TNNI3K: variants seen among roughly 807,000 people sequenced by gnomAD.
TNNI3K encodes the protein TNNI3 interacting kinase.
In TNNI3K, 140 loss-of-function variants were observed where a neutral mutation model predicts 114.5. The ratio of observed to expected loss-of-function variants is 1.22; its 90% CI spans 1.07 to 1.41. The LOEUF is 1.41. Among genes scored for constraint, TNNI3K ranks in the 40% most tolerant of loss-of-function variants. The probability of loss-of-function intolerance (pLI) is 0.00; values close to 1 mark genes in which losing one functional copy is unlikely to be tolerated. For synonymous variants in TNNI3K, 347 were observed against 347.5 expected, an observed-to-expected ratio of 1.00 and a Z score of 0.02; for missense variants, 1,125 against 1,007.6, an observed-to-expected ratio of 1.12 and a Z score of -1.58.
rs1322026559 is a variant in TNNI3K, at chr1:74,436,527, G to A, written c.1878+1G>A. On this transcript the variant is annotated splice_donor_variant, in intron 19 of 24. Transcript: ENST00000326637. LOFTEE classifies it high-confidence loss of function. The stretch of plus-strand genomic sequence containing the variant: ...AGACAACATGACAAAACAACCTGGG[G>A]TTTGCTGCTGCTTGTGTTTCCTATA... 2.5e-6 allele frequency: 4 copies of A among 1,583,120 alleles called. No individual in the cohort carries two copies. In the South Asian group the frequency reaches 3.6e-5, roughly 14 times the overall value.
At chr1:74,383,353 T>C (rs1269436793) in intron 17 of TNNI3K, among the ~76,000 whole-genome samples, 1 of 152,080 alleles carries the variant, frequency 6.6e-6, no homozygotes, top group Non-Finnish European at 1.5e-5. Context: ...ACTGCCTCTA[T>C]AGCCTTCATC....
At chr1:74,506,621 C>T (rs935592452) in intron 23 of TNNI3K, among the ~76,000 whole-genome samples, 1 of 152,172 alleles carries the variant, frequency 6.6e-6, no homozygotes. Context: ...TCTGGCATCA[C>T]CTAGGAGCTT....
chr1:74,380,346 G>A lies in TNNI3K; in HGVS notation c.1772+9954G>A, dbSNP rs551794315. Reference sequence around the variant, plus strand: ...TACTCCACACTGGAACCTGGCAACAGGATTTCTTATTCCAGTGCGTTCTTG... The same window carrying A: ...TACTCCACACTGGAACCTGGCAACAAGATTTCTTATTCCAGTGCGTTCTTG... On this transcript the variant is annotated intron_variant, in intron 17 of 24. Coordinates refer to ENST00000326637, the MANE Select transcript of TNNI3K (RefSeq NM_015978.3). 3.9e-5 allele frequency among the ~76,000 whole-genome samples: 6 copies of A among 152,296 alleles called. No individual in the cohort carries two copies. In the South Asian group the frequency reaches 1.2e-3, roughly 32 times the overall value.
intron 9 of TNNI3K, among the ~76,000 whole-genome samples, chr1:74,345,363 A>G (rs985147814): frequency 5.9e-5 from 9 of 152,168 alleles, no homozygotes; most frequent in Non-Finnish European, 2.9e-5. Context: ...GTAAGGTATC[A>G]AAGTAAACAG....
chr1:74,238,717 G>A (rs796370445), intron 2 of TNNI3K, among the ~76,000 whole-genome samples: 8 of 152,096 alleles, frequency 5.3e-5, no homozygotes, highest in African/African-American at 1.9e-4. Flanking sequence ...GAGGATAATG[G>A]TGAGACATTT....
intron 17 of TNNI3K, chr1:74,372,568 A>G (rs1173978447): frequency 6.6e-6 from 1 of 151,946 alleles, no homozygotes; most frequent in East Asian, 1.9e-4. Flanking sequence ...TACGTTAACA[A>G]ACATTTAACT....
intron 21 of TNNI3K, among the ~76,000 whole-genome samples, chr1:74,473,631 C>T (rs574118569): frequency 1.9e-4 from 29 of 151,754 alleles, no homozygotes; most frequent in Non-Finnish European, 3.8e-4. Context: ...TGGGGATACT[C>T]CATCTCCAAT....
At chr1:74,275,124 A>T (rs555188759) in intron 5 of TNNI3K, among the ~76,000 whole-genome samples, 1 of 151,994 alleles carries the variant, frequency 6.6e-6, no homozygotes, top group Non-Finnish European at 1.5e-5. Context: ...TTCAGTGAGG[A>T]TAGAGATTGT....
At chr1:74,276,152 T>G (rs745469407) in intron 5 of TNNI3K, among the ~76,000 whole-genome samples, 2 of 152,236 alleles carry the variant, frequency 1.3e-5, no homozygotes, top group East Asian at 3.9e-4. Flanking sequence ...CACATGTTGA[T>G]TTTCTGATGA....
chr1:74,480,849 C>G (rs890624231), intron 21 of TNNI3K: 1 of 717,334 alleles, frequency 1.4e-6, no homozygotes, highest in African/African-American at 1.7e-5. Flanking sequence ...TGAACATCCT[C>G]GATACCATTT....
chr1:74,263,968 C>T (rs142516515), intron 4 of TNNI3K, among the ~76,000 whole-genome samples: 2,112 of 151,892 alleles, frequency 0.014, 54 homozygotes, highest in African/African-American at 0.049. Context: ...TATCCTCTTC[C>T]TGTTAAATCA....
intron 21 of TNNI3K, among the ~76,000 whole-genome samples, chr1:74,477,972 A>T (rs1267153152): frequency 6.6e-6 from 1 of 152,242 alleles, no homozygotes; most frequent in African/African-American, 2.4e-5. Flanking sequence ...TGTAAGTGTC[A>T]AGATATTAGT....
chr1:74,477,514 A>G (rs796118442), intron 21 of TNNI3K, among the ~76,000 whole-genome samples: 9 of 152,326 alleles, frequency 5.9e-5, no homozygotes, highest in African/African-American at 1.9e-4. Flanking sequence ...GATATTTTAA[A>G]TGACTAGTGC....
At chr1:74,349,273 C>A (rs1037139608) in intron 9 of TNNI3K, among the ~76,000 whole-genome samples, 6 of 152,128 alleles carry the variant, frequency 3.9e-5, no homozygotes, top group Middle Eastern at 3.4e-3. Flanking sequence ...TGTTTATATG[C>A]TGGATTACAT....
chr1:74,268,737 G>C (rs1268300260), intron 4 of TNNI3K, among the ~76,000 whole-genome samples: 1 of 151,806 alleles, frequency 6.6e-6, no homozygotes, highest in Non-Finnish European at 1.5e-5. Context: ...ATTCTAATTA[G>C]GGAGGCTAAT....
chr1:74,418,309 C>G, intron 17 of TNNI3K: 1 of 337,990 alleles, frequency 3.0e-6, no homozygotes, highest in South Asian at 2.3e-5. Flanking sequence ...GCCATAGAAG[C>G]CTGCCTCTAG....
chr1:74,440,096 CAT>C (rs138885384), intron 20 of TNNI3K, among the ~76,000 whole-genome samples: 15 of 150,094 alleles, frequency 1.0e-4, no homozygotes, highest in South Asian at 6.3e-4. Flanking sequence ...GTATTATATG[CAT>C]ATATATATAT....
At chr1:74,404,732 A>G (rs1186106880) in intron 17 of TNNI3K, among the ~76,000 whole-genome samples, 1 of 152,124 alleles carries the variant, frequency 6.6e-6, no homozygotes, top group Non-Finnish European at 1.5e-5. Flanking sequence ...TCACTTCTCT[A>G]TGCTTCATCC....
chr1:74,438,346 G>A lies in TNNI3K; in HGVS notation c.1879-1144G>A, dbSNP rs792880. 8.7e-3 allele frequency among the ~76,000 whole-genome samples: 1,320 copies of A among 152,092 alleles called. 13 individuals are homozygous for A. The highest frequency in any genetic ancestry group is 0.03 in the African/African-American group (1,241 of 41,514). On this transcript the variant is annotated intron_variant, in intron 19 of 24. Coordinates refer to ENST00000326637, the MANE Select transcript of TNNI3K (RefSeq NM_015978.3). ...CATAATAAGAATAAAGATATTATTGGAAAGCTGTAACTATGCATGGTTTCA... is the reference window on the plus strand; with the variant it reads ...CATAATAAGAATAAAGATATTATTGAAAAGCTGTAACTATGCATGGTTTCA...
Sources: allele counts gnomAD v4.1 joint callset (sites outside exome capture counted in the v4.1 genomes callset), GRCh38; gene constraint gnomAD v4.1.1; transcripts MANE v1.5; gene names NCBI Gene and HGNC (gene_info 2026-07-23, HGNC 2026-07-21).